Variants in KCNS3 observed in about 807,000 individuals in gnomAD.
KCNS3 encodes the protein delayed-rectifier potassium channel regulatory subunit KCNS3.
A neutral mutation model predicts 31.0 loss-of-function variants in KCNS3; 13 were observed. That is an observed-to-expected ratio of 0.42 (90% CI 0.27 to 0.67). The LOEUF is 0.67. KCNS3 is among the 30% of genes least tolerant of loss of function. The pLI, the probability that KCNS3 is intolerant of heterozygous loss-of-function variation, is 0.25. For synonymous variants in KCNS3, 238 were observed against 241.5 expected (o/e 0.99, Z 0.13); for missense variants, 545 against 622.4 (o/e 0.88, Z 1.32).
At chr2:17,886,951 G>C (rs540480850) in intron 1 of KCNS3, among the ~76,000 whole-genome samples, 35 of 144,574 alleles carry the variant, frequency 2.4e-4, no homozygotes, top group African/African-American at 9.1e-4. Flanking sequence ...TTTTAAGCAG[G>C]TTCCCCAGAC....
intron 1 of KCNS3, among the ~76,000 whole-genome samples, chr2:17,887,281 CCT>C (rs532131184): frequency 7.9e-5 from 12 of 152,142 alleles, no homozygotes; most frequent in South Asian, 2.1e-4. Context: ...CACTCTTCCC[CCT>C]GAGTCCCCAA....
At position 17,906,652 on chromosome 2, in the gene KCNS3, T is replaced by C. The variant is rs527811912; in HGVS notation, c.-251-11028T>C. 3.3e-5 allele frequency among the ~76,000 whole-genome samples: 5 copies of C among 152,340 alleles called. No individual in the cohort carries two copies. In the East Asian group the frequency reaches 9.6e-4, roughly 29 times the overall value. On this transcript the variant is annotated intron_variant, in intron 1 of 2. Transcript: ENST00000304101. ...TTTAAATGTCCCAGAGATTCTGGTATGTTGTGTCGTTGTTCTCATTGGTTT... is the reference window on the plus strand; with the variant it reads ...TTTAAATGTCCCAGAGATTCTGGTACGTTGTGTCGTTGTTCTCATTGGTTT...
chr2:17,891,213 A>G (rs1293432405), intron 1 of KCNS3, among the ~76,000 whole-genome samples: 1 of 152,144 alleles, frequency 6.6e-6, no homozygotes, highest in Non-Finnish European at 1.5e-5. Flanking sequence ...TTTGTCTGAT[A>G]TAAGAATAGC....
Position 17,931,521 on chromosome 2 carries a change from CT to C in KCNS3, c.514del (p.Trp172GlyfsTer21). ...GATTTGGTCAGCTCCGGAAGAAAAT[CT>C]GGATTAGAATGGAGAATCCAGCGTA... Reference protein sequence around the residue: ...LRFGQLRKKIWIRMENPAYCL... With the variant: ...LRFGQLRKKIXIRMENPAYCL... On this transcript the variant is annotated frameshift_variant, in exon 3 of 3. Transcript: ENST00000304101. LOFTEE classifies it high-confidence loss of function. The surrounding 1 kb of genome is among the most constrained non-coding windows in gnomAD (Gnocchi z 5.4). The C allele has an allele frequency of 6.2e-7, 1 of 1,614,174 alleles. No individual in the cohort carries two copies. The highest frequency in any genetic ancestry group is 8.5e-7 in the Non-Finnish European group (1 of 1,180,028).
intron 1 of KCNS3, among the ~76,000 whole-genome samples, chr2:17,895,921 T>C (rs12614783): frequency 0.061 from 9,266 of 152,220 alleles, 619 homozygotes; most frequent in East Asian, 0.38. Flanking sequence ...ATGAGGTATA[T>C]TGGTGGATGC....
Position 17,878,681 on chromosome 2 carries a change from G to T in KCNS3, c.-377G>T, listed in dbSNP as rs999331507. ...GACCGACGGACAGACCGGCCGACGC[G>T]GGCCACCCCGCTCTCCTCGCCGCCG... On this transcript the variant is annotated 5_prime_UTR_variant, in exon 1 of 3. Transcript: ENST00000304101. 5.3e-5 allele frequency: 8 copies of T among 149,996 alleles called. No individual in the cohort carries two copies. The highest frequency in any genetic ancestry group is 7.4e-5 in the Non-Finnish European group (5 of 67,306). The allele number at this position is 149,996 out of a possible 1,614,324, so 9.3% of individuals were successfully genotyped here.
upstream of KCNS3, chr2:17,877,958 G>C (rs926472243): frequency 1.3e-5 from 2 of 152,170 alleles, no homozygotes; most frequent in Non-Finnish European, 2.9e-5. Flanking sequence ...TCTTCCATTC[G>C]TCCTTCCGAA....
At chr2:17,924,735 T>C (rs1306988863) in intron 2 of KCNS3, among the ~76,000 whole-genome samples, 1 of 152,184 alleles carries the variant, frequency 6.6e-6, no homozygotes, top group Non-Finnish European at 1.5e-5. Context: ...TTTTTATATG[T>C]TGCTGGATTT....
chr2:17,892,779 A>C (rs754072825), intron 1 of KCNS3, among the ~76,000 whole-genome samples: 1 of 152,152 alleles, frequency 6.6e-6, no homozygotes, highest in Admixed American at 6.5e-5. Flanking sequence ...GAGTTCTGTG[A>C]TATGAACTGT....
At chr2:17,888,663 A>ATATATATATC (rs1661763226) in intron 1 of KCNS3, among the ~76,000 whole-genome samples, 1 of 138,738 alleles carries the variant, frequency 7.2e-6, no homozygotes, top group Non-Finnish European at 1.6e-5. Flanking sequence ...ATATATATAT[A>ATATATATATC]TATATATATA....
At chr2:17,921,901 A>ATGTG (rs370610132) in intron 2 of KCNS3, among the ~76,000 whole-genome samples, 37 of 74,102 alleles carry the variant, frequency 5.0e-4, no homozygotes, top group Admixed American at 1.0e-3. Flanking sequence ...TTTCATATAT[A>ATGTG]TGTGTGTGTG....
In KCNS3 at chr2:17,904,618, T is replaced by C. The variant is rs183466282; in HGVS notation, c.-251-13062T>C. On this transcript the variant is annotated intron_variant, in intron 1 of 2. Coordinates refer to ENST00000304101, the MANE Select transcript of KCNS3 (RefSeq NM_002252.5). ...GTCTAACATTTAAGTCTTTAATCCA[T>C]CTTGAATTAATTTTTGTATAAGATG... Among the ~76,000 whole-genome samples the C allele has an allele frequency of 3.9e-4, 59 of 152,262 alleles. 1 individual carries two copies. Among genetic ancestry groups the C allele is most frequent in the Non-Finnish European group, 7.4e-4 (50 of 68,008 alleles).
chr2:17,914,206 C>G (rs1403275971), intron 1 of KCNS3, among the ~76,000 whole-genome samples: 1 of 152,212 alleles, frequency 6.6e-6, no homozygotes, highest in Non-Finnish European at 1.5e-5. Flanking sequence ...TCCTGTCTTA[C>G]TAAGTTCCAT....
At chr2:17,879,711 A>G (rs1478859826) in intron 1 of KCNS3, among the ~76,000 whole-genome samples, 1 of 152,076 alleles carries the variant, frequency 6.6e-6, no homozygotes, top group Non-Finnish European at 1.5e-5. Flanking sequence ...GTTCATTTGG[A>G]GAAAGGAGCA....
At chr2:17,929,477 T>A (rs1014722530) in intron 2 of KCNS3, among the ~76,000 whole-genome samples, 7 of 152,156 alleles carry the variant, frequency 4.6e-5, no homozygotes, top group Non-Finnish European at 7.4e-5. Context: ...GCTTGGGGGA[T>A]GATGCTAAGC....
chr2:17,878,083 A>T (rs1184449417), upstream of KCNS3: 2 of 152,274 alleles, frequency 1.3e-5, no homozygotes, highest in Non-Finnish European at 2.9e-5. Context: ...CTTGTTCTGC[A>T]CTGTGCCTGA....
intron 1 of KCNS3, among the ~76,000 whole-genome samples, chr2:17,902,480 G>A (rs1359405731): frequency 6.6e-6 from 1 of 152,024 alleles, no homozygotes; most frequent in Admixed American, 6.6e-5. Context: ...AAAAGGTCTA[G>A]TCTTAGCTTT....
chr2:17,887,573 T>C (rs759249179), intron 1 of KCNS3, among the ~76,000 whole-genome samples: 4 of 151,564 alleles, frequency 2.6e-5, no homozygotes, highest in Non-Finnish European at 4.4e-5. Flanking sequence ...ATCCACTCAT[T>C]GATTGATGGG....
At chr2:17,906,868 T>C (rs182867254) in intron 1 of KCNS3, among the ~76,000 whole-genome samples, 2 of 152,330 alleles carry the variant, frequency 1.3e-5, no homozygotes, top group African/African-American at 2.4e-5. Context: ...TGAGGAGTCC[T>C]TTACTTCCAA....
Sources: allele counts gnomAD v4.1 joint callset (sites outside exome capture counted in the v4.1 genomes callset), GRCh38; gene constraint gnomAD v4.1.1; non-coding constraint Gnocchi (gnomAD v3.1); transcripts MANE v1.5; gene names NCBI Gene and HGNC (gene_info 2026-07-23, HGNC 2026-07-21).